Variants in NAV3 observed in about 807,000 individuals in gnomAD.
NAV3 encodes pore membrane and/or filament interacting like protein 1.
NAV3 carries 87 observed loss-of-function variants against 244.7 expected under a neutral mutation model. The ratio of observed to expected loss-of-function variants is 0.36; its 90% CI spans 0.30 to 0.42. NAV3 has a LOEUF of 0.42. Among genes scored for constraint, NAV3 ranks in the 20% least tolerant of loss-of-function variants. The pLI is 1.00. For synonymous variants in NAV3, 1,126 were observed against 1,042.2 expected (o/e 1.08, Z -1.55); for missense variants, 2,663 against 2,893.3 (o/e 0.92, Z 1.83).
intron 2 of NAV3, among the ~76,000 whole-genome samples, chr12:77,679,259 C>T (rs370496607): frequency 6.6e-6 from 1 of 152,032 alleles, no homozygotes; most frequent in African/African-American, 2.4e-5. Context: ...TCTACTAGGG[C>T]ACTAACAGGT....
chr12:78,049,475 C>T (rs1050548831), intron 9 of NAV3, among the ~76,000 whole-genome samples: 1 of 152,180 alleles, frequency 6.6e-6, no homozygotes, highest in Non-Finnish European at 1.5e-5. Flanking sequence ...GTTCCCCAAC[C>T]CTTTGCACTT....
At chr12:78,193,595 G>T (rs1050343548) in intron 34 of NAV3, among the ~76,000 whole-genome samples, 2 of 152,128 alleles carry the variant, frequency 1.3e-5, no homozygotes, top group African/African-American at 4.8e-5. Flanking sequence ...CTGGAAAAAA[G>T]ACTTTTAATG....
chr12:77,648,694 TTGC>T (rs1457408686), intron 2 of NAV3, among the ~76,000 whole-genome samples: 1 of 152,130 alleles, frequency 6.6e-6, no homozygotes, highest in East Asian at 1.9e-4. Flanking sequence ...TTTATTTTAT[TTGC>T]TTGACTTTTG....
chr12:77,634,126 A>AC (rs1555188464), intron 2 of NAV3, among the ~76,000 whole-genome samples: 5,008 of 149,532 alleles, frequency 0.033, 88 homozygotes, highest in Middle Eastern at 0.048. Context: ...CAAATCTCCC[A>AC]TTTTTTTTTT....
chr12:78,113,046 A>C (rs1217749734), intron 12 of NAV3, among the ~76,000 whole-genome samples: 1 of 152,226 alleles, frequency 6.6e-6, no homozygotes, highest in Non-Finnish European at 1.5e-5. Context: ...GTTAAACCTT[A>C]AAGTTTCAAA....
intron 30 of NAV3, among the ~76,000 whole-genome samples, chr12:78,182,012 A>T (rs1197346565): frequency 6.6e-6 from 1 of 152,034 alleles, no homozygotes; most frequent in East Asian, 1.9e-4. Context: ...ACAAGTGGGC[A>T]CTCCCTGTAA....
At chr12:77,725,310 A>G (rs1162074987) in intron 2 of NAV3, among the ~76,000 whole-genome samples, 1 of 152,008 alleles carries the variant, frequency 6.6e-6, no homozygotes, top group Admixed American at 6.6e-5. Context: ...GCTAAAAGCC[A>G]TCAAACTATG....
upstream of NAV3, among the ~76,000 whole-genome samples, chr12:77,826,353 C>G (rs1873005857): frequency 2.0e-5 from 3 of 151,932 alleles, no homozygotes; most frequent in Admixed American, 2.0e-4. Flanking sequence ...ACTAAAAATA[C>G]AGATGGTGCA....
At chr12:77,607,023 A>C (rs527414673) in intron 2 of NAV3, among the ~76,000 whole-genome samples, 1 of 152,146 alleles carries the variant, frequency 6.6e-6, no homozygotes, top group African/African-American at 2.4e-5. Context: ...AAAAACATTC[A>C]CTATAATTAA....
At chr12:77,626,666 A>G (rs1029461217) in intron 2 of NAV3, among the ~76,000 whole-genome samples, 1 of 151,936 alleles carries the variant, frequency 6.6e-6, no homozygotes, top group African/African-American at 2.4e-5. Context: ...CATAAAGAAG[A>G]AAAAAAACCT....
intron 2 of NAV3, among the ~76,000 whole-genome samples, chr12:77,598,021 T>A (rs1870248330): frequency 6.6e-6 from 1 of 152,054 alleles, no homozygotes; most frequent in Non-Finnish European, 1.5e-5. Flanking sequence ...ACATCCCTAG[T>A]AATCACTCTA....
At chr12:77,656,047 A>G (rs1205742952) in intron 2 of NAV3, among the ~76,000 whole-genome samples, 1 of 151,378 alleles carries the variant, frequency 6.6e-6, no homozygotes, top group Non-Finnish European at 1.5e-5. Context: ...AAACTGCATC[A>G]ACTAACGAGC....
chr12:77,807,857 G>C (rs1279481974), intron 2 of NAV3, among the ~76,000 whole-genome samples: 1 of 152,114 alleles, frequency 6.6e-6, no homozygotes, highest in Non-Finnish European at 1.5e-5. Flanking sequence ...ATATTTCTTG[G>C]AGGCTTTGTT....
At chr12:78,053,244 G>A (rs570959546) in intron 11 of NAV3, among the ~76,000 whole-genome samples, 1 of 150,282 alleles carries the variant, frequency 6.7e-6, no homozygotes, top group Non-Finnish European at 1.5e-5. Context: ...ATATATATAT[G>A]TATGTATGTA....
intron 9 of NAV3, among the ~76,000 whole-genome samples, chr12:78,043,281 A>G (rs984533090): frequency 6.6e-6 from 1 of 152,214 alleles, no homozygotes; most frequent in Non-Finnish European, 1.5e-5. Flanking sequence ...TTATGGTTGC[A>G]TAGTATTCCA....
rs569216239 is a variant in NAV3, at chr12:77,787,366, G to A, written c.73-152953G>A. 5.9e-5 allele frequency among the ~76,000 whole-genome samples: 9 copies of A among 152,162 alleles called. No individual in the cohort carries two copies. In the South Asian group the frequency reaches 6.2e-4, roughly 11 times the overall value. On this transcript the variant is annotated intron_variant, in intron 2 of 8. Coordinates refer to the NAV3 transcript ENST00000550042. ...GGGTGTATTAGTCTGTTCTCATGCC[G>A]CTAATAAAGACATATCCGAAACTGG...
chr12:77,766,868 C>T (rs2135860171), intron 2 of NAV3, among the ~76,000 whole-genome samples: 1 of 148,308 alleles, frequency 6.7e-6, no homozygotes, highest in Non-Finnish European at 1.5e-5. Context: ...ATTCTTCCTG[C>T]CTCATCCTCC....
At chr12:77,908,075 A>C (rs1319025830) in intron 1 of NAV3, among the ~76,000 whole-genome samples, 1 of 152,120 alleles carries the variant, frequency 6.6e-6, no homozygotes, top group African/African-American at 2.4e-5. Flanking sequence ...TGTGGTTTAC[A>C]GTGGTTTTTA....
intron 1 of NAV3, among the ~76,000 whole-genome samples, chr12:77,890,073 A>G (rs1385717679): frequency 6.6e-6 from 1 of 152,194 alleles, no homozygotes; most frequent in Non-Finnish European, 1.5e-5. Context: ...CTCGAATTAT[A>G]TCTTATGTTA....
Sources: allele counts gnomAD v4.1 joint callset (sites outside exome capture counted in the v4.1 genomes callset), GRCh38; gene constraint gnomAD v4.1.1; transcripts MANE v1.5; gene names NCBI Gene and HGNC (gene_info 2026-07-23, HGNC 2026-07-21).